The following TSPAN11 variants were observed in gnomAD, a reference collection of about 807,000 sequenced individuals.
The protein encoded by TSPAN11 is tetraspanin 11, also known as tetraspanin-11.
A neutral mutation model predicts 32.9 loss-of-function variants in TSPAN11; 29 were observed. That is an observed-to-expected ratio of 0.88 (90% CI 0.66 to 1.20). TSPAN11 has a LOEUF of 1.20. TSPAN11 is among the 50% of genes most tolerant of loss of function. TSPAN11 has a pLI of 0.00. For synonymous variants in TSPAN11, 140 were observed against 141.3 expected (o/e 0.99, Z 0.07); for missense variants, 283 against 329.1 (o/e 0.86, Z 1.08).
At chr12:30,989,947 A>C (rs1240927121) in intron 7 of TSPAN11, among the ~76,000 whole-genome samples, 1 of 152,154 alleles carries the variant, frequency 6.6e-6, no homozygotes, top group Non-Finnish European at 1.5e-5. Flanking sequence ...AGCCGGGCCC[A>C]ACCCCATCTG....
Position 30,955,521 on chromosome 12 carries a change from TG to T in TSPAN11, c.84+1447del, listed in dbSNP as rs562818136. 2.8e-3 allele frequency among the ~76,000 whole-genome samples: 429 copies of T among 152,366 alleles called. 3 individuals carry two copies. Among genetic ancestry groups the T allele is most frequent in the African/African-American group, 9.5e-3 (395 of 41,590 alleles). On this transcript the variant is annotated intron_variant, in intron 2 of 7. Transcript: ENST00000546076. ...TTAAAAAGTATCGTAAAATAAAAATTGTTCTTATCTCATTAAGTTCATTTCA... is the reference window on the plus strand; with the variant it reads ...TTAAAAAGTATCGTAAAATAAAAATTTTCTTATCTCATTAAGTTCATTTCA...
chr12:31,007,432 C>T, the TSPAN11 span, among the ~76,000 whole-genome samples: 4,207 of 152,104 alleles, frequency 0.028, 200 homozygotes, highest in African/African-American at 0.096. Context: ...CCCTTGGCTC[C>T]TCACTGACCT....
At chr12:30,968,675 G>C (rs943133886) in intron 3 of TSPAN11, among the ~76,000 whole-genome samples, 11 of 152,184 alleles carry the variant, frequency 7.2e-5, no homozygotes, top group African/African-American at 2.7e-4. Flanking sequence ...GCCAAATGAA[G>C]ATCATGGTGG....
intron 1 of TSPAN11, among the ~76,000 whole-genome samples, chr12:30,946,553 T>A (rs1308501594): frequency 6.6e-6 from 1 of 152,090 alleles, no homozygotes; most frequent in East Asian, 1.9e-4. Context: ...GCCTGCTAAG[T>A]AAATATGGTA....
chr12:30,972,501 T>C (rs772333539), intron 3 of TSPAN11, among the ~76,000 whole-genome samples: 1 of 150,736 alleles, frequency 6.6e-6, no homozygotes, highest in Admixed American at 6.6e-5. Context: ...ACAAATGGGG[T>C]TGGGGTAGGG....
chr12:30,956,742 G>A (rs570355162), intron 2 of TSPAN11, among the ~76,000 whole-genome samples: 11 of 152,272 alleles, frequency 7.2e-5, no homozygotes, highest in South Asian at 2.1e-4. Context: ...GGCTCCCTAC[G>A]GTGCCCATCG....
downstream of TSPAN11, among the ~76,000 whole-genome samples, chr12:30,999,763 G>A (rs569443404): frequency 1.3e-5 from 2 of 152,040 alleles, no homozygotes; most frequent in Non-Finnish European, 2.9e-5. Context: ...GTTGGACATG[G>A]GTAAGTTCCA....
chr12:30,931,901 A>G (rs1188117553), intron 1 of TSPAN11, among the ~76,000 whole-genome samples: 1 of 149,288 alleles, frequency 6.7e-6, no homozygotes, highest in Non-Finnish European at 1.5e-5. Context: ...AAAAAAAAAG[A>G]GTCCTCATCC....
intron 1 of TSPAN11, among the ~76,000 whole-genome samples, chr12:30,943,705 C>G (rs1324959793): frequency 6.6e-6 from 1 of 152,230 alleles, no homozygotes; most frequent in East Asian, 1.9e-4. Context: ...ATCCTTTTGG[C>G]TCCTTCCAGC....
At chr12:30,932,710 A>T (rs1192685495) in intron 1 of TSPAN11, among the ~76,000 whole-genome samples, 2 of 152,154 alleles carry the variant, frequency 1.3e-5, no homozygotes, top group African/African-American at 4.8e-5. Context: ...TAGATGGTAA[A>T]AATGCTTTAT....
At chr12:30,954,464 T>C (rs1222449405) in intron 2 of TSPAN11, 2 of 236,136 alleles carry the variant, frequency 8.5e-6, no homozygotes, top group Non-Finnish European at 1.7e-5. Context: ...TCACCTTTCA[T>C]GGTTAACATT....
chr12:30,942,039 G>A (rs1345302329), intron 1 of TSPAN11, among the ~76,000 whole-genome samples: 1 of 152,200 alleles, frequency 6.6e-6, no homozygotes, highest in Non-Finnish European at 1.5e-5. Flanking sequence ...ACAACCATCG[G>A]AATACAGTGC....
At chr12:30,931,706 C>A (rs1937932075) in intron 1 of TSPAN11, among the ~76,000 whole-genome samples, 1 of 151,504 alleles carries the variant, frequency 6.6e-6, no homozygotes. Flanking sequence ...ATGGTGAAAC[C>A]CCGTCTCTAT....
At chr12:30,998,403 C>T (rs1017764599), downstream of TSPAN11, among the ~76,000 whole-genome samples, 1 of 152,228 alleles carries the variant, frequency 6.6e-6, no homozygotes, top group Non-Finnish European at 1.5e-5. Context: ...ACGCTGGTTC[C>T]CACTGCCTCT....
Position 30,983,040 on chromosome 12 carries a change from G to A in TSPAN11, c.616-24G>A, listed in dbSNP as rs375194215. The A allele has an allele frequency of 1.6e-5, 25 of 1,606,730 alleles. No individual in the cohort carries two copies. In the East Asian group the frequency reaches 1.8e-4, roughly 11 times the overall value. On this transcript the variant is annotated intron_variant, in intron 6 of 7. Transcript: ENST00000546076. The stretch of plus-strand genomic sequence containing the variant: ...CCATGCCTGCTCCTGGGCCATGGCC[G>A]CATCACCTGCCCTTCTCTTACAGGG...
At position 30,975,884 on chromosome 12, in the gene TSPAN11, G is replaced by A. The variant is rs1328765736; in HGVS notation, c.277-2677G>A. On this transcript the variant is annotated intron_variant, in intron 3 of 7. Coordinates refer to ENST00000546076, the MANE Select transcript of TSPAN11 (RefSeq NM_001370302.1). The surrounding 1 kb of genome is among the most constrained non-coding windows in gnomAD (Gnocchi z 4.5). ...CCTCCCATGCCCCAGAGGTCTCTGG[G>A]AGCCACTGGCATCAATGCCTTCAGG... is the stretch of plus-strand genomic sequence containing the variant. 6.6e-6 allele frequency among the ~76,000 whole-genome samples: 1 copy of A among 152,194 alleles called. No individual in the cohort carries two copies. The highest frequency in any genetic ancestry group is 1.5e-5 in the Non-Finnish European group (1 of 68,024).
intron 1 of TSPAN11, among the ~76,000 whole-genome samples, chr12:30,929,457 A>T (rs936365360): frequency 6.6e-6 from 1 of 152,196 alleles, no homozygotes; most frequent in Non-Finnish European, 1.5e-5. Context: ...GCTATGTGAG[A>T]ACTCGAACCC....
intron 2 of TSPAN11, 92 bp downstream of exon 2, chr12:30,954,167 A>G: frequency 1.1e-6 from 1 of 874,880 alleles, no homozygotes; most frequent in Non-Finnish European, 1.9e-6. Flanking sequence ...TGAGGTTGAT[A>G]TCTTCCAAAT....
chr12:30,989,545 A>G (rs1318083061), intron 7 of TSPAN11, among the ~76,000 whole-genome samples: 1 of 152,110 alleles, frequency 6.6e-6, no homozygotes, highest in East Asian at 1.9e-4. Context: ...ATGTTTTCCT[A>G]TTGGCAGAGG....
Sources: gnomAD v4.1 joint callset for allele counts (sites outside exome capture counted in the v4.1 genomes callset) on GRCh38, gnomAD v4.1.1 for gene constraint, Gnocchi (gnomAD v3.1) non-coding constraint, MANE v1.5 for transcripts, NCBI Gene and HGNC (gene_info 2026-07-23, HGNC 2026-07-21) for gene names.